PMEPA1: variants seen among roughly 807,000 people sequenced by gnomAD.
The protein encoded by PMEPA1 is protein TMEPAI.
PMEPA1 carries 11 observed loss-of-function variants against 23.0 expected under a neutral mutation model. The ratio of observed to expected loss-of-function variants is 0.48; its 90% CI spans 0.30 to 0.79. The LOEUF (loss-of-function observed/expected upper bound fraction) is 0.79. PMEPA1 is among the 30% of genes least tolerant of loss of function. The pLI, the probability that PMEPA1 is intolerant of heterozygous loss-of-function variation, is 0.06. For missense variants in PMEPA1, 377 were observed against 390.9 expected (o/e 0.96, Z 0.30); for synonymous variants, 204 against 166.4 (o/e 1.23, Z -1.74).
Position 57,683,993 on chromosome 20 carries a change from C to T in PMEPA1, c.110-24296G>A, listed in dbSNP as rs2071764123. Among the ~76,000 whole-genome samples, 1 of 152,182 alleles carries T rather than the reference C, an allele frequency of 6.6e-6. No homozygotes were observed. The highest frequency in any genetic ancestry group is 1.5e-5 in the Non-Finnish European group (1 of 68,044). On this transcript the variant is annotated intron_variant, in intron 1 of 3. Transcript: ENST00000341744. This position sits in a 1 kb window ranked among gnomAD's most constrained non-coding sequence, Gnocchi z 4.3. ...ATGGGATGTCCTTCTCTATCTCCTGCAGACGAAATGTCCCACCACGCCCCA... is the reference window on the plus strand; with the variant it reads ...ATGGGATGTCCTTCTCTATCTCCTGTAGACGAAATGTCCCACCACGCCCCA...
At position 57,651,317 on chromosome 20, in the gene PMEPA1, GGGGGCTCACCCT is replaced by G. The variant is rs2071224366; in HGVS notation, c.*724_*735del. On this transcript the variant is annotated 3_prime_UTR_variant, in exon 4 of 4. Coordinates refer to ENST00000341744, the MANE Select transcript of PMEPA1 (RefSeq NM_020182.5). The stretch of plus-strand genomic sequence containing the variant: ...GCCAAGGCCTCTCTGCAGACTCCAC[GGGGGCTCACCCT>G]CTGCCGTCAGGCGACTCTGAAATTC... The G allele has an allele frequency of 6.5e-6, 1 of 152,706 alleles. No homozygotes were observed. The highest frequency in any genetic ancestry group is 2.4e-5 in the African/African-American group (1 of 41,548). 9.5% of individuals were successfully genotyped at this position (152,706 alleles called of 1,614,324 possible).
chr20:57,656,169 C>T lies in PMEPA1; in HGVS notation c.265-3083G>A, dbSNP rs538293746. 1.3e-4 allele frequency among the ~76,000 whole-genome samples: 19 copies of T among 151,004 alleles called. 1 individual carries two copies. The South Asian group carries it at 3.1e-3, about 25-fold the overall frequency. On this transcript the variant is annotated intron_variant, in intron 2 of 3. Transcript: ENST00000341744. The surrounding 1 kb of genome is among the most constrained non-coding windows in gnomAD (Gnocchi z 4.7). ...AATAAAGAGATGTTCCTAAAAAATT[C>T]GGTACCTCCCATGTCCTCAGGAGAT...
intron 1 of PMEPA1, among the ~76,000 whole-genome samples, chr20:57,679,505 A>G (rs1445129940): frequency 6.6e-6 from 1 of 152,222 alleles, no homozygotes; most frequent in East Asian, 1.9e-4. Flanking sequence ...CCTTTCAGAC[A>G]ATGCGGGAGC....
At chr20:57,685,162 G>A (rs2071783968) in intron 1 of PMEPA1, among the ~76,000 whole-genome samples, 1 of 151,464 alleles carries the variant, frequency 6.6e-6, no homozygotes, top group Admixed American at 6.6e-5. Context: ...GTCATAAAGA[G>A]GACAATTAAA....
chr20:57,710,188 C>G, upstream of PMEPA1: 1 of 502,502 alleles, frequency 2.0e-6, no homozygotes, highest in Non-Finnish European at 3.1e-6. Flanking sequence ...CACGTAGACC[C>G]GGCACCCGCG....
chr20:57,706,942 G>A (rs2072098399), intron 1 of PMEPA1, among the ~76,000 whole-genome samples: 2 of 152,160 alleles, frequency 1.3e-5, no homozygotes, highest in African/African-American at 4.8e-5. Context: ...GCTCAGCAGG[G>A]GAGAGGCCCT....
Position 57,683,716 on chromosome 20 carries a change from C to G in PMEPA1, c.110-24019G>C, listed in dbSNP as rs1364395145. 6.6e-6 allele frequency among the ~76,000 whole-genome samples: 1 copy of G among 152,058 alleles called. No homozygotes were observed. Among genetic ancestry groups the G allele is most frequent in the African/African-American group, 2.4e-5 (1 of 41,380 alleles). ...TGAAATATTACAAGCACAGTCACCC[C>G]ACTTCCCCACTCCGCGGGGAAATTT... On this transcript the variant is annotated intron_variant, in intron 1 of 3. Coordinates refer to ENST00000341744, the MANE Select transcript of PMEPA1 (RefSeq NM_020182.5). The surrounding 1 kb of genome is among the most constrained non-coding windows in gnomAD (Gnocchi z 4.3).
chr20:57,672,936 A>AC (rs2071589119), intron 1 of PMEPA1, among the ~76,000 whole-genome samples: 2 of 152,112 alleles, frequency 1.3e-5, no homozygotes, highest in African/African-American at 4.8e-5. Context: ...TACCACTAGC[A>AC]CCCACGCACG....
In PMEPA1 at chr20:57,682,990, GAA is replaced by G. The variant is rs1318373388; in HGVS notation, c.110-23295_110-23294del. On this transcript the variant is annotated intron_variant, in intron 1 of 3. Coordinates refer to ENST00000341744, the MANE Select transcript of PMEPA1 (RefSeq NM_020182.5). This position sits in a 1 kb window ranked among gnomAD's most constrained non-coding sequence, Gnocchi z 4.4. ...TCTCCAACTCTTCAGAAAAGGAGAA[GAA>G]GAAGAAAAAAGAGTCCAAGCCTCCC... Among the ~76,000 whole-genome samples the G allele has an allele frequency of 6.6e-6, 1 of 152,186 alleles. No homozygotes were observed. The highest frequency in any genetic ancestry group is 1.5e-5 in the Non-Finnish European group (1 of 68,026).
chr20:57,670,914 C>G (rs995148423), intron 1 of PMEPA1, among the ~76,000 whole-genome samples: 2 of 152,162 alleles, frequency 1.3e-5, no homozygotes, highest in South Asian at 4.1e-4. Flanking sequence ...ACCGCCCCCC[C>G]AACCCCCAAC....
Position 57,658,828 on chromosome 20 carries a change from C to G in PMEPA1, c.264+715G>C, listed in dbSNP as rs547609188. On this transcript the variant is annotated intron_variant, in intron 2 of 3. Coordinates refer to ENST00000341744, the MANE Select transcript of PMEPA1 (RefSeq NM_020182.5). ...GGGCACGAGGGCAGGGCCGCCACCT[C>G]CCTTCCGTCTGGGTCAGGGCTGCAG... Among the ~76,000 whole-genome samples the G allele has an allele frequency of 4.3e-3, 662 of 152,334 alleles. 6 individuals are homozygous for G. The highest frequency in any genetic ancestry group is 0.02 in the Middle Eastern group (6 of 294).
chr20:57,664,509 A>G (rs1054540593), intron 1 of PMEPA1, among the ~76,000 whole-genome samples: 1 of 152,216 alleles, frequency 6.6e-6, no homozygotes, highest in Non-Finnish European at 1.5e-5. Flanking sequence ...ATGAAGCGGC[A>G]CCAATATAAA....
At chr20:57,678,180 ATGAG>A (rs1229941199) in intron 1 of PMEPA1, among the ~76,000 whole-genome samples, 1 of 152,186 alleles carries the variant, frequency 6.6e-6, no homozygotes. Context: ...ACACACTCGA[ATGAG>A]TGTGTGTAAA....
At chr20:57,688,617 G>T (rs909220713) in intron 1 of PMEPA1, among the ~76,000 whole-genome samples, 1 of 152,222 alleles carries the variant, frequency 6.6e-6, no homozygotes, top group Non-Finnish European at 1.5e-5. Context: ...GCCAGGCAGG[G>T]AACTTTGTGC....
At chr20:57,672,117 C>G (rs994762580) in intron 1 of PMEPA1, among the ~76,000 whole-genome samples, 7 of 152,192 alleles carry the variant, frequency 4.6e-5, no homozygotes, top group Non-Finnish European at 1.0e-4. Flanking sequence ...TTTTTGTATT[C>G]GTAAATTGTT....
chr20:57,701,490 C>A (rs1048292520), intron 1 of PMEPA1, among the ~76,000 whole-genome samples: 3 of 152,164 alleles, frequency 2.0e-5, no homozygotes, highest in Non-Finnish European at 2.9e-5. Context: ...CCTTGACCAC[C>A]CAGGGCAACT....
chr20:57,649,886 G>A lies in PMEPA1; in HGVS notation c.*2167C>T, dbSNP rs926230071. 6.6e-6 allele frequency: 1 copy of A among 152,638 alleles called. No individual in the cohort carries two copies. Among genetic ancestry groups the A allele is most frequent in the African/African-American group, 2.4e-5 (1 of 41,442 alleles). The allele number at this position is 152,638 out of a possible 1,614,324, so 9.5% of individuals were successfully genotyped here. On this transcript the variant is annotated 3_prime_UTR_variant, in exon 4 of 4. Transcript: ENST00000341744. ...CGACGGGAGTGTCACTGCTTCTTCA[G>A]TAAGGCACTAGAGACGCGTCACATA... is the stretch of plus-strand genomic sequence containing the variant.
chr20:57,651,580 T>TA lies in PMEPA1; in HGVS notation c.*472dup, dbSNP rs397951515. The TA allele has an allele frequency of 2.0e-5, 3 of 152,212 alleles. No individual in the cohort carries two copies. The highest frequency in any genetic ancestry group is 1.9e-4 in the East Asian group (1 of 5,182). The allele number at this position is 152,212 out of a possible 1,614,324, so 9.4% of individuals were successfully genotyped here. A position where few individuals can be genotyped will look rare whatever the true frequency, so the allele number is the denominator to read the frequency against. On this transcript the variant is annotated 3_prime_UTR_variant, in exon 4 of 4. Transcript: ENST00000341744. ...TAGTTCAGAAAACAACTTTTTTTTT[T>TA]AATAGGCCTCTTCTAATACAAAAAT...
In PMEPA1 at chr20:57,698,735, C is replaced by T. The variant is rs114452483; in HGVS notation, c.109+10739G>A. Among the ~76,000 whole-genome samples the T allele has an allele frequency of 2.0e-3, 301 of 152,320 alleles. 4 individuals carry two copies. The highest frequency in any genetic ancestry group is 6.9e-3 in the African/African-American group (287 of 41,570). ...GTTCCCAGACCTGTGCAAAGCTCCC[C>T]GGCTTCACTTTCCACCTTCTTCTGG... On this transcript the variant is annotated intron_variant, in intron 1 of 3. Coordinates refer to ENST00000341744, the MANE Select transcript of PMEPA1 (RefSeq NM_020182.5).
Sources: allele counts gnomAD v4.1 joint callset (sites outside exome capture counted in the v4.1 genomes callset), GRCh38; gene constraint gnomAD v4.1.1; non-coding constraint Gnocchi (gnomAD v3.1); transcripts MANE v1.5; gene names NCBI Gene and HGNC (gene_info 2026-07-23, HGNC 2026-07-21).